Variants in EZH2 observed in about 807,000 individuals in gnomAD.
EZH2 encodes histone-lysine N-methyltransferase EZH2.
A neutral mutation model predicts 98.4 loss-of-function variants in EZH2; 18 were observed. That is an observed-to-expected ratio of 0.18 (90% CI 0.13 to 0.27). EZH2 has a LOEUF of 0.27. Ranked by LOEUF, EZH2 falls within the 10% of genes least tolerant of loss-of-function variation. The pLI, the probability that EZH2 is intolerant of heterozygous loss-of-function variation, is 1.00. For missense variants in EZH2, 470 were observed against 935.1 expected, an observed-to-expected ratio of 0.50 and a Z score of 6.49; for synonymous variants, 338 against 312.3, an observed-to-expected ratio of 1.08 and a Z score of -0.87.
At position 148,811,513 on chromosome 7, in the gene EZH2, T is replaced by G. The variant is rs554213884; in HGVS notation, c.1947+112A>C. ...AGAAGTCCAGGCTGAAAAGGCAGTTTATGGCAATTCATTTCCAATCAAACC... is the reference window on the plus strand; with the variant it reads ...AGAAGTCCAGGCTGAAAAGGCAGTTGATGGCAATTCATTTCCAATCAAACC... On this transcript the variant is annotated intron_variant, in intron 16 of 19. Transcript: ENST00000320356. The G allele has an allele frequency of 4.4e-5, 36 of 824,988 alleles. No homozygotes were observed. In the East Asian group the frequency reaches 9.5e-4, roughly 22 times the overall value. The allele number at this position is 824,988 out of a possible 1,614,324, so 51.1% of individuals were successfully genotyped here.
chr7:148,858,005 G>A (rs1817092360), intron 1 of EZH2, among the ~76,000 whole-genome samples: 1 of 149,750 alleles, frequency 6.7e-6, no homozygotes, highest in African/African-American at 2.5e-5. Flanking sequence ...AAAAAAAACA[G>A]GTAGTGGCCA....
chr7:148,855,928 A>G (rs191189337), intron 1 of EZH2, among the ~76,000 whole-genome samples: 272 of 149,638 alleles, frequency 1.8e-3, no homozygotes, highest in African/African-American at 6.4e-3. Context: ...AAAAGTAGTG[A>G]CTATCAACTA....
intron 1 of EZH2, among the ~76,000 whole-genome samples, chr7:148,850,862 A>G (rs1373592136): frequency 2.0e-5 from 3 of 152,212 alleles, no homozygotes; most frequent in African/African-American, 7.2e-5. Context: ...TAATTTATAA[A>G]TAAGGCACAG....
rs112301261 is a variant in EZH2, at chr7:148,816,369, C to T, written c.1505+315G>A. On this transcript the variant is annotated intron_variant, in intron 12 of 19. Coordinates refer to ENST00000320356, the MANE Select transcript of EZH2 (RefSeq NM_004456.5). ...CTCACATCAGAAACACAGAACATTT[C>T]ATGATGTTAAAGTAATTGTTTACGT... Among the ~76,000 whole-genome samples the T allele has an allele frequency of 3.3e-3, 507 of 152,318 alleles. 2 individuals are homozygous for T. Among genetic ancestry groups the T allele is most frequent in the African/African-American group, 0.012 (486 of 41,558 alleles).
rs201915575 is a variant in EZH2 at position 148,816,645 on chromosome 7, C to G, written c.1505+39G>C. The G allele has an allele frequency of 9.4e-6, 14 of 1,495,940 alleles. No individual in the cohort carries two copies. In the African/African-American group the frequency reaches 9.6e-5, roughly 10 times the overall value. The allele number at this position is 1,495,940 out of a possible 1,614,324, so 92.7% of individuals were successfully genotyped here. A position where few individuals can be genotyped will look rare whatever the true frequency, so the allele number is the denominator to read the frequency against. On this transcript the variant is annotated intron_variant, in intron 12 of 19. Transcript: ENST00000320356. ...GAAGGGCCTTGCCTGCAGTGTCTAT[C>G]TATGTTGACTTCTCTAAGGAGCTTC...
At chr7:148,815,164 C>A in intron 13 of EZH2, 125 bp from the exon 14 acceptor site, 1 of 1,196,216 alleles carries the variant, frequency 8.4e-7, no homozygotes, top group Non-Finnish European at 1.2e-6. Context: ...TTACTGAATG[C>A]ATAACATTAC....
At chr7:148,812,794 T>C (rs548355935) in intron 15 of EZH2, among the ~76,000 whole-genome samples, 1 of 152,178 alleles carries the variant, frequency 6.6e-6, no homozygotes, top group East Asian at 1.9e-4. Context: ...AATGGACATA[T>C]AACTGCCTAG....
At chr7:148,813,052 T>TACACACACACACACACACAC (rs142835355) in intron 15 of EZH2, among the ~76,000 whole-genome samples, 21 of 132,106 alleles carry the variant, frequency 1.6e-4, no homozygotes, top group Admixed American at 1.4e-3. Flanking sequence ...ACACCCCACA[T>TACACACACACACACACACAC]ACACACACAC....
intron 18 of EZH2, 69 bp from the exon 19 acceptor site, chr7:148,809,224 A>G: frequency 2.5e-6 from 4 of 1,585,676 alleles, no homozygotes; most frequent in East Asian, 4.5e-5. Context: ...ACTTGTTCAC[A>G]TAACAAACAA....
At chr7:148,861,292 T>C (rs1817632712) in intron 1 of EZH2, among the ~76,000 whole-genome samples, 2 of 151,086 alleles carry the variant, frequency 1.3e-5, no homozygotes, top group Admixed American at 6.6e-5. Flanking sequence ...AGTGGCGCAA[T>C]CTTGGCTCAC....
chr7:148,859,657 G>C (rs944913057), intron 1 of EZH2, among the ~76,000 whole-genome samples: 4 of 152,202 alleles, frequency 2.6e-5, no homozygotes, highest in African/African-American at 4.8e-5. Context: ...CAGAGCCCCA[G>C]CTGTGTGGCA....
At chr7:148,836,784 G>C in intron 3 of EZH2, 1 of 481,112 alleles carries the variant, frequency 2.1e-6, no homozygotes, top group Non-Finnish European at 4.1e-6. Context: ...CAGCTTACTG[G>C]TAAGTAACCA....
intron 3 of EZH2, among the ~76,000 whole-genome samples, chr7:148,839,325 C>T (rs1045467808): frequency 3.3e-5 from 5 of 152,066 alleles, no homozygotes; most frequent in Admixed American, 6.6e-5. Context: ...AAAACCAAAT[C>T]CCCTACCCAT....
chr7:148,838,655 T>C (rs999957194), intron 3 of EZH2, among the ~76,000 whole-genome samples: 2 of 152,256 alleles, frequency 1.3e-5, no homozygotes, highest in Non-Finnish European at 2.9e-5. Flanking sequence ...CAGAGAGTAT[T>C]ATATAAATCT....
chr7:148,841,959 T>G (rs771274381), intron 3 of EZH2, among the ~76,000 whole-genome samples: 4 of 152,226 alleles, frequency 2.6e-5, no homozygotes, highest in Admixed American at 6.5e-5. Flanking sequence ...AATATTACTA[T>G]GAAGAGCAAA....
intron 1 of EZH2, among the ~76,000 whole-genome samples, chr7:148,869,092 T>G (rs2129490631): frequency 6.6e-6 from 1 of 151,970 alleles, no homozygotes; most frequent in African/African-American, 2.4e-5. Context: ...ATGCCCATAG[T>G]GCAGAGACAC....
chr7:148,845,517 TTA>T (rs1400013106), intron 3 of EZH2, among the ~76,000 whole-genome samples: 1 of 152,214 alleles, frequency 6.6e-6, no homozygotes, highest in Non-Finnish European at 1.5e-5. Context: ...TGCATTAGGA[TTA>T]TGTCTGTTGC....
At chr7:148,852,747 C>G (rs1816074777) in intron 1 of EZH2, among the ~76,000 whole-genome samples, 1 of 152,202 alleles carries the variant, frequency 6.6e-6, no homozygotes, top group Admixed American at 6.5e-5. Context: ...CTAAGTCAGG[C>G]AGACCTTCCC....
chr7:148,829,697 C>CT, intron 5 of EZH2, 31 bp downstream of exon 5: 1 of 1,597,944 alleles, frequency 6.3e-7, no homozygotes, highest in Non-Finnish European at 8.5e-7. Flanking sequence ...TCTTTAGCCC[C>CT]TTTTTCCAAG....
Sources: allele counts gnomAD v4.1 joint callset (sites outside exome capture counted in the v4.1 genomes callset), GRCh38; gene constraint gnomAD v4.1.1; transcripts MANE v1.5; gene names NCBI Gene and HGNC (gene_info 2026-07-23, HGNC 2026-07-21).